MOB1A: variants seen among roughly 807,000 people sequenced by gnomAD.
MOB1A encodes the protein MOB kinase activator 1A.
MOB1A carries 10 observed loss-of-function variants against 25.1 expected under a neutral mutation model. The observed-to-expected ratio is 0.40, with a 90% CI of 0.25 to 0.68. The LOEUF (loss-of-function observed/expected upper bound fraction) is 0.68. Among genes scored for constraint, MOB1A ranks in the 30% least tolerant of loss-of-function variants. The pLI is 0.40. For synonymous variants in MOB1A, 81 were observed against 79.5 expected (o/e 1.02, Z -0.10); for missense variants, 177 against 256.3 (o/e 0.69, Z 2.11).
At chr2:74,160,914 C>G (rs2103698916) in intron 4 of MOB1A, among the ~76,000 whole-genome samples, 1 of 151,974 alleles carries the variant, frequency 6.6e-6, no homozygotes, top group African/African-American at 2.4e-5. Flanking sequence ...CAAAAATTAG[C>G]CAGACGTGGT....
At chr2:74,156,677 T>G (rs1235173595) in intron 5 of MOB1A, 32 bp from the exon 6 acceptor site, 1 of 1,476,192 alleles carries the variant, frequency 6.8e-7, no homozygotes, top group African/African-American at 1.4e-5. Flanking sequence ...CAATTAAAAA[T>G]GGATCTAAAA....
At chr2:74,159,926 C>T (rs980905070) in intron 4 of MOB1A, among the ~76,000 whole-genome samples, 2 of 150,824 alleles carry the variant, frequency 1.3e-5, no homozygotes, top group Admixed American at 6.6e-5. Flanking sequence ...AAGCAATCTG[C>T]CCACCTCAGC....
intron 5 of MOB1A, among the ~76,000 whole-genome samples, chr2:74,157,479 A>G (rs1187522523): frequency 6.6e-6 from 1 of 152,182 alleles, no homozygotes; most frequent in African/African-American, 2.4e-5. Context: ...ATCAAACCCA[A>G]GGAGGGGGTT....
Position 74,158,484 on chromosome 2 carries a change from T to C in MOB1A, c.573+607A>G, listed in dbSNP as rs184291926. Among the ~76,000 whole-genome samples, 23 of 152,306 alleles carry C rather than the reference T, an allele frequency of 1.5e-4. No individual in the cohort carries two copies. In the East Asian group the frequency reaches 4.2e-3, roughly 28 times the overall value. On this transcript the variant is annotated intron_variant, in intron 5 of 5. Transcript: ENST00000396049. Reference sequence around the variant, plus strand: ...TCTTTTTCAAACAATGTGAATTATTTTGATTTTTTAAAGTTCCAATTCTGG... The same window carrying C: ...TCTTTTTCAAACAATGTGAATTATTCTGATTTTTTAAAGTTCCAATTCTGG...
intron 3 of MOB1A, 69 bp downstream of exon 3, chr2:74,166,945 T>A (rs1693146545): frequency 8.7e-7 from 1 of 1,147,424 alleles, no homozygotes; most frequent in African/African-American, 1.5e-5. Flanking sequence ...ATCTTAACTG[T>A]TTAATTTCTA....
chr2:74,162,140 G>A (rs542400012), intron 4 of MOB1A, among the ~76,000 whole-genome samples: 20 of 152,308 alleles, frequency 1.3e-4, no homozygotes, highest in African/African-American at 4.1e-4. Context: ...TGGCAGGGGA[G>A]TGGGATTAAG....
intron 1 of MOB1A, chr2:74,178,079 G>GTA (rs1693528076): frequency 6.6e-6 from 1 of 152,118 alleles, no homozygotes; most frequent in South Asian, 2.1e-4. Context: ...ATGCTGTATG[G>GTA]TATATTACAT....
chr2:74,166,614 C>G (rs1257375621), intron 3 of MOB1A, among the ~76,000 whole-genome samples: 1 of 152,172 alleles, frequency 6.6e-6, no homozygotes, highest in Non-Finnish European at 1.5e-5. Context: ...GTGGGCAGAT[C>G]ACTTGAGGCC....
intron 3 of MOB1A, among the ~76,000 whole-genome samples, chr2:74,166,567 G>T (rs1463453245): frequency 6.6e-6 from 1 of 152,170 alleles, no homozygotes; most frequent in Non-Finnish European, 1.5e-5. Context: ...AGGTGCAGTG[G>T]CTCACACCTT....
At chr2:74,177,083 G>A (rs1044286077) in intron 1 of MOB1A, among the ~76,000 whole-genome samples, 21 of 152,102 alleles carry the variant, frequency 1.4e-4, no homozygotes, top group African/African-American at 4.6e-4. Context: ...GCCGAGTGCG[G>A]GAGTGGATCA....
chr2:74,172,864 T>C (rs759614422), intron 1 of MOB1A, 112 bp from the exon 2 acceptor site: 1 of 1,174,828 alleles, frequency 8.5e-7, no homozygotes, highest in South Asian at 1.3e-5. Flanking sequence ...TAAAAAATAC[T>C]CTCTGGGCCA....
At chr2:74,158,169 G>C (rs1280739151) in intron 5 of MOB1A, among the ~76,000 whole-genome samples, 3 of 117,826 alleles carry the variant, frequency 2.5e-5, no homozygotes, top group African/African-American at 1.1e-4. Context: ...GACAGAGCAA[G>C]ACTCTGTCTC....
chr2:74,160,223 C>T (rs1692928332), intron 4 of MOB1A, among the ~76,000 whole-genome samples: 1 of 152,146 alleles, frequency 6.6e-6, no homozygotes, highest in Admixed American at 6.5e-5. Flanking sequence ...TGGCTCGTGC[C>T]TGTAATCCAG....
chr2:74,163,772 A>T (rs915863225), intron 4 of MOB1A, among the ~76,000 whole-genome samples: 2 of 152,236 alleles, frequency 1.3e-5, no homozygotes, highest in Non-Finnish European at 2.9e-5. Flanking sequence ...AACTGACATA[A>T]ACTACAGAAT....
chr2:74,175,319 A>G (rs1376145097), intron 1 of MOB1A, among the ~76,000 whole-genome samples: 1 of 152,222 alleles, frequency 6.6e-6, no homozygotes, highest in African/African-American at 2.4e-5. Context: ...TATATATTCC[A>G]ATGTCATAAT....
chr2:74,161,784 C>T (rs1268822475), intron 4 of MOB1A, among the ~76,000 whole-genome samples: 4 of 151,634 alleles, frequency 2.6e-5, no homozygotes, highest in Non-Finnish European at 2.9e-5. Flanking sequence ...AGTGAGACCT[C>T]GTGTCTACAA....
At chr2:74,158,560 TG>T (rs1386333859) in intron 5 of MOB1A, among the ~76,000 whole-genome samples, 1 of 151,586 alleles carries the variant, frequency 6.6e-6, no homozygotes, top group Admixed American at 6.6e-5. Context: ...GAGGCCGAGG[TG>T]GGTGGATCAG....
At chr2:74,178,521 G>A (rs997658752) in intron 1 of MOB1A, 140 bp downstream of exon 1, 1 of 510,610 alleles carries the variant, frequency 2.0e-6, no homozygotes, top group African/African-American at 2.0e-5. Context: ...CTCCCCCGCG[G>A]ACCCGAACAG....
At chr2:74,167,977 A>C (rs544117882) in intron 2 of MOB1A, among the ~76,000 whole-genome samples, 1 of 152,262 alleles carries the variant, frequency 6.6e-6, no homozygotes, top group Admixed American at 6.5e-5. Context: ...TCTCTACAAA[A>C]ATTTTTAAAA....
Sources: gnomAD v4.1 joint callset for allele counts (sites outside exome capture counted in the v4.1 genomes callset) on GRCh38, gnomAD v4.1.1 for gene constraint, MANE v1.5 for transcripts, NCBI Gene and HGNC (gene_info 2026-07-23, HGNC 2026-07-21) for gene names.